The following PRRX1 variants were observed in gnomAD, a reference collection of about 807,000 sequenced individuals.
PRRX1 encodes paired mesoderm homeobox protein 1.
Under a neutral mutation model 24.0 loss-of-function variants are expected in PRRX1, and 8 were observed. That is an observed-to-expected ratio of 0.33 (90% CI 0.20 to 0.60). The LOEUF is 0.60. PRRX1 is among the 20% of genes least tolerant of loss of function. The probability of loss-of-function intolerance (pLI) is 0.82; values close to 1 mark genes in which losing one functional copy is unlikely to be tolerated. For missense variants in PRRX1, 281 were observed against 322.4 expected, an observed-to-expected ratio of 0.87 and a Z score of 0.98; for synonymous variants, 160 against 131.7, an observed-to-expected ratio of 1.22 and a Z score of -1.47.
chr1:170,726,688 T>C (rs1308000482), intron 3 of PRRX1: 1 of 380,794 alleles, frequency 2.6e-6, no homozygotes, highest in African/African-American at 2.0e-5. Flanking sequence ...GAAAAGATCA[T>C]TAAGCTGTGC....
At chr1:170,712,086 T>C (rs1276032213) in intron 1 of PRRX1, among the ~76,000 whole-genome samples, 3 of 152,212 alleles carry the variant, frequency 2.0e-5, no homozygotes, top group Non-Finnish European at 4.4e-5. Flanking sequence ...GCTCTTGGCT[T>C]TCTTTTCTTT....
At chr1:170,692,741 T>TCACA (rs1553252913) in intron 1 of PRRX1, among the ~76,000 whole-genome samples, 1,527 of 139,550 alleles carry the variant, frequency 0.011, 14 homozygotes, top group African/African-American at 0.029. Flanking sequence ...TCTCTCTCTC[T>TCACA]CACACACACA....
At chr1:170,718,886 C>T (rs1445802477) in intron 1 of PRRX1, among the ~76,000 whole-genome samples, 1 of 152,178 alleles carries the variant, frequency 6.6e-6, no homozygotes, top group Non-Finnish European at 1.5e-5. Context: ...TCTCACCACG[C>T]TACCTTCAGG....
intron 3 of PRRX1, among the ~76,000 whole-genome samples, chr1:170,733,569 C>G (rs138262565): frequency 2.2e-4 from 34 of 152,234 alleles, no homozygotes; most frequent in African/African-American, 7.7e-4. Flanking sequence ...AATTTGTTCT[C>G]AATACTTAGC....
chr1:170,726,576 G>A, intron 3 of PRRX1, 175 bp downstream of exon 3: 1 of 758,550 alleles, frequency 1.3e-6, no homozygotes. Flanking sequence ...TGCCCCAGCA[G>A]CAGGGTTTGG....
intron 1 of PRRX1, among the ~76,000 whole-genome samples, chr1:170,709,543 G>C (rs1026552251): frequency 6.6e-6 from 1 of 152,042 alleles, no homozygotes; most frequent in Non-Finnish European, 1.5e-5. Flanking sequence ...TTCCTGGCCC[G>C]TTCCTGGCTC....
chr1:170,688,941 T>G (rs1653836416), intron 1 of PRRX1, among the ~76,000 whole-genome samples: 1 of 152,138 alleles, frequency 6.6e-6, no homozygotes, highest in Admixed American at 6.6e-5. Flanking sequence ...TTTTTAGTTC[T>G]GTGACAATAT....
chr1:170,693,918 A>G (rs112525237), intron 1 of PRRX1, among the ~76,000 whole-genome samples: 1 of 152,232 alleles, frequency 6.6e-6, no homozygotes, highest in African/African-American at 2.4e-5. Context: ...GTTGGGAGCA[A>G]TAATTCCATC....
At chr1:170,683,409 C>T (rs763091967) in intron 1 of PRRX1, among the ~76,000 whole-genome samples, 2 of 152,182 alleles carry the variant, frequency 1.3e-5, no homozygotes, top group Non-Finnish European at 2.9e-5. Context: ...GTCAATGAGG[C>T]TGTGCAGCCT....
intron 1 of PRRX1, among the ~76,000 whole-genome samples, chr1:170,712,577 A>G (rs1654784008): frequency 6.6e-6 from 1 of 152,194 alleles, no homozygotes; most frequent in Non-Finnish European, 1.5e-5. Context: ...TTGAGAACAC[A>G]TTATGGTAGC....
At chr1:170,670,400 GCCT>G (rs1161014391) in intron 1 of PRRX1, among the ~76,000 whole-genome samples, 2 of 152,156 alleles carry the variant, frequency 1.3e-5, no homozygotes, top group Non-Finnish European at 2.9e-5. Context: ...CGGCTGCCAT[GCCT>G]CCTTTTCTCC....
intron 3 of PRRX1, among the ~76,000 whole-genome samples, chr1:170,735,508 A>G (rs576896025): frequency 3.3e-5 from 5 of 152,220 alleles, no homozygotes; most frequent in Non-Finnish European, 5.9e-5. Flanking sequence ...GGCAGAGAAC[A>G]TATGTTAGGT....
At chr1:170,730,342 T>C (rs372692905) in intron 3 of PRRX1, 14 of 1,608,672 alleles carry the variant, frequency 8.7e-6, no homozygotes, top group Middle Eastern at 1.7e-4. Flanking sequence ...CGGAAGACAC[T>C]GAAAAGGTAA....
intron 1 of PRRX1, among the ~76,000 whole-genome samples, chr1:170,716,926 G>T (rs1368435423): frequency 1.3e-5 from 2 of 152,116 alleles, no homozygotes; most frequent in African/African-American, 4.8e-5. Context: ...ACTGTGCTGG[G>T]TCCTGTTCTG....
At chr1:170,667,310 G>GCACACACA (rs35009775) in intron 1 of PRRX1, 6,910 of 149,920 alleles carry the variant, frequency 0.046, 195 homozygotes, top group Middle Eastern at 0.11. Flanking sequence ...GCGCGCGCGC[G>GCACACACA]CACACACACA....
intron 1 of PRRX1, among the ~76,000 whole-genome samples, chr1:170,664,843 G>T (rs538635139): frequency 6.6e-6 from 1 of 152,236 alleles, no homozygotes; most frequent in African/African-American, 2.4e-5. Context: ...GAGAGCCAGC[G>T]CTGTTTGGGA....
In PRRX1 at chr1:170,692,778, C is replaced by T. The variant is rs182864126; in HGVS notation, c.242-26948C>T. Among the ~76,000 whole-genome samples, 6 of 151,758 alleles carry T rather than the reference C, an allele frequency of 4.0e-5. No homozygotes were observed. In the East Asian group the frequency reaches 5.8e-4, roughly 15 times the overall value. ...ACACACACACAGACACACGTGCACA[C>T]GCACATGCATCTCTCACATTTTTCT... On this transcript the variant is annotated intron_variant, in intron 1 of 3. Transcript: ENST00000239461.
intron 1 of PRRX1, among the ~76,000 whole-genome samples, chr1:170,701,965 G>T (rs1317398131): frequency 3.3e-5 from 5 of 151,996 alleles, no homozygotes; most frequent in Non-Finnish European, 7.4e-5. Context: ...TTTGACACCA[G>T]GGACCGGTTT....
At chr1:170,722,922 G>A (rs1480935823) in intron 2 of PRRX1, among the ~76,000 whole-genome samples, 1 of 152,220 alleles carries the variant, frequency 6.6e-6, no homozygotes, top group Non-Finnish European at 1.5e-5. Flanking sequence ...GGAGTCCACA[G>A]GTAATTTTGA....
Sources: gnomAD v4.1 joint callset for allele counts (sites outside exome capture counted in the v4.1 genomes callset) on GRCh38, gnomAD v4.1.1 for gene constraint, MANE v1.5 for transcripts, NCBI Gene and HGNC (gene_info 2026-07-23, HGNC 2026-07-21) for gene names.